Variants in AFG2A observed in about 807,000 individuals in gnomAD.
The protein encoded by AFG2A is ATPase family gene 2 protein homolog A.
the AFG2A span, among the ~76,000 whole-genome samples, chr4:123,042,927 GA>G: frequency 6.6e-6 from 1 of 152,132 alleles, no homozygotes; most frequent in Admixed American, 6.5e-5. Context: ...GAAATTAATT[GA>G]AAAAAGAGCT....
At chr4:123,180,978 C>CTT in the AFG2A span, among the ~76,000 whole-genome samples, 3,000 of 118,356 alleles carry the variant, frequency 0.025, 113 homozygotes, top group Non-Finnish European at 0.039. Flanking sequence ...TCCTCCCCCT[C>CTT]TTTTTTTTTT....
chr4:123,093,355 A>G, the AFG2A span, among the ~76,000 whole-genome samples: 1 of 151,988 alleles, frequency 6.6e-6, no homozygotes, highest in Non-Finnish European at 1.5e-5. Flanking sequence ...AATTGATTCT[A>G]TGAAAGGGTA....
At chr4:123,227,317 A>G in the AFG2A span, among the ~76,000 whole-genome samples, 1 of 152,054 alleles carries the variant, frequency 6.6e-6, no homozygotes, top group Non-Finnish European at 1.5e-5. Context: ...TATCAATTTT[A>G]GATCTTTCCT....
At chr4:123,269,740 A>G in the AFG2A span, among the ~76,000 whole-genome samples, 3 of 145,314 alleles carry the variant, frequency 2.1e-5, no homozygotes, top group Non-Finnish European at 4.5e-5. Context: ...GCTCCTTGTA[A>G]TACATCCTTC....
chr4:123,107,217 G>A, the AFG2A span, among the ~76,000 whole-genome samples: 15 of 152,296 alleles, frequency 9.8e-5, no homozygotes, highest in Non-Finnish European at 2.2e-4. Context: ...AGGGTTGGGG[G>A]TGTTTTTCAG....
At chr4:123,183,670 A>G in the AFG2A span, among the ~76,000 whole-genome samples, 1 of 152,246 alleles carries the variant, frequency 6.6e-6, no homozygotes, top group Admixed American at 6.5e-5. Context: ...CTAATCTAAC[A>G]CAATAAAAGA....
chr4:123,099,518 A>G, the AFG2A span, among the ~76,000 whole-genome samples: 1 of 151,480 alleles, frequency 6.6e-6, no homozygotes, highest in South Asian at 2.1e-4. Flanking sequence ...TTTTGAGTTG[A>G]ATGAGCCACA....
chr4:123,201,666 C>T, the AFG2A span, among the ~76,000 whole-genome samples: 1 of 152,312 alleles, frequency 6.6e-6, no homozygotes, highest in African/African-American at 2.4e-5. Context: ...TGCCTATAAT[C>T]ACAGCACTCT....
chr4:123,236,772 G>A, the AFG2A span, among the ~76,000 whole-genome samples: 2 of 152,088 alleles, frequency 1.3e-5, no homozygotes. Context: ...AGAGTCAGCT[G>A]GCAAGCTTAT....
chr4:122,961,529 A>T, the AFG2A span, among the ~76,000 whole-genome samples: 1 of 152,148 alleles, frequency 6.6e-6, no homozygotes, highest in South Asian at 2.1e-4. Flanking sequence ...TTTGAGACGG[A>T]GTCTTACGCT....
the AFG2A span, chr4:123,057,202 C>G: frequency 6.2e-7 from 1 of 1,613,808 alleles, no homozygotes. Context: ...GGCACTCTTT[C>G]CACCAGACCT....
the AFG2A span, among the ~76,000 whole-genome samples, chr4:123,007,627 T>C: frequency 0.012 from 520 of 43,304 alleles, 7 homozygotes; most frequent in Admixed American, 0.028. Flanking sequence ...TATATATATA[T>C]ATACACACAC....
chr4:123,120,580 G>A, the AFG2A span, among the ~76,000 whole-genome samples: 18 of 152,256 alleles, frequency 1.2e-4, no homozygotes, highest in African/African-American at 2.2e-4. Context: ...CATGTGCTGC[G>A]TAACCATGTT....
At chr4:123,232,685 G>T in the AFG2A span, among the ~76,000 whole-genome samples, 2 of 151,908 alleles carry the variant, frequency 1.3e-5, no homozygotes, top group African/African-American at 2.4e-5. Flanking sequence ...AGGGTTTTTA[G>T]TAGGCAGGAG....
the AFG2A span, among the ~76,000 whole-genome samples, chr4:123,061,163 C>T: frequency 2.0e-5 from 3 of 152,126 alleles, no homozygotes; most frequent in African/African-American, 7.2e-5. Context: ...TCTGAGCCCT[C>T]CAAGTCTCTA....
the AFG2A span, among the ~76,000 whole-genome samples, chr4:123,257,579 C>T: frequency 1.4e-4 from 21 of 152,100 alleles, no homozygotes; most frequent in African/African-American, 4.1e-4. Context: ...AGTTGAAGTG[C>T]GCTCACCTTT....
chr4:123,194,144 A>G, the AFG2A span, among the ~76,000 whole-genome samples: 5 of 152,314 alleles, frequency 3.3e-5, no homozygotes, highest in African/African-American at 1.2e-4. Flanking sequence ...AATGACTTCA[A>G]TCCCTACTTA....
the AFG2A span, among the ~76,000 whole-genome samples, chr4:123,277,003 T>G: frequency 2.0e-5 from 3 of 152,188 alleles, no homozygotes; most frequent in Non-Finnish European, 4.4e-5. Context: ...AATAGTTTTT[T>G]CTAATTCTGT....
the AFG2A span, among the ~76,000 whole-genome samples, chr4:123,079,985 G>A: frequency 6.8e-4 from 104 of 152,008 alleles, 1 homozygote; most frequent in Middle Eastern, 0.014. Flanking sequence ...GCCTGACTTC[G>A]TGATCCATGC....
Sources: allele counts gnomAD v4.1 joint callset (sites outside exome capture counted in the v4.1 genomes callset), GRCh38; gene constraint gnomAD v4.1.1; transcripts MANE v1.5; gene names NCBI Gene and HGNC (gene_info 2026-07-23, HGNC 2026-07-21).